The following SMG7 variants were observed in gnomAD, a reference collection of about 807,000 sequenced individuals.
SMG7 encodes nonsense-mediated mRNA decay factor SMG7.
SMG7 carries 34 observed loss-of-function variants against 148.2 expected under a neutral mutation model. The observed-to-expected ratio is 0.23, with a 90% confidence interval of 0.17 to 0.31. SMG7 has a LOEUF of 0.31. SMG7 is among the 10% of genes least tolerant of loss of function. The pLI is 1.00. For synonymous variants in SMG7, 492 were observed against 515.1 expected (o/e 0.96, Z 0.61); for missense variants, 1,114 against 1,408.4 (o/e 0.79, Z 3.35).
chr1:183,492,622 T>C (rs536772933), intron 1 of SMG7, among the ~76,000 whole-genome samples: 1 of 152,238 alleles, frequency 6.6e-6, no homozygotes, highest in East Asian at 1.9e-4. Context: ...GTTATAACTA[T>C]AGTTCAGTTT....
chr1:183,492,633 G>A (rs1312169769), intron 1 of SMG7, among the ~76,000 whole-genome samples: 4 of 152,080 alleles, frequency 2.6e-5, no homozygotes, highest in African/African-American at 9.7e-5. Context: ...AGTTCAGTTT[G>A]GGGAGAATTA....
intron 1 of SMG7, among the ~76,000 whole-genome samples, chr1:183,483,477 T>A (rs150105136): frequency 1.3e-5 from 2 of 152,274 alleles, no homozygotes; most frequent in Non-Finnish European, 1.5e-5. Flanking sequence ...AGTTAAAGAC[T>A]GCTTACTTGA....
intron 14 of SMG7, among the ~76,000 whole-genome samples, chr1:183,543,797 C>G (rs1192287755): frequency 6.6e-6 from 1 of 152,158 alleles, no homozygotes; most frequent in Admixed American, 6.5e-5. Context: ...TCTATAGGAT[C>G]TCAGGGCCTG....
intron 1 of SMG7, among the ~76,000 whole-genome samples, chr1:183,482,052 AG>A (rs1654261897): frequency 6.6e-6 from 1 of 152,182 alleles, no homozygotes; most frequent in African/African-American, 2.4e-5. Context: ...GAACAAAATG[AG>A]TAAATGCCTC....
rs770707468 is a variant in SMG7 at position 183,547,246 on chromosome 1, C to A, written c.2886C>A (p.Ser962Arg). 1.3e-6 allele frequency: 2 copies of A among 1,549,496 alleles called. No homozygotes were observed. Among genetic ancestry groups the A allele is most frequent in the Non-Finnish European group, 8.7e-7 (1 of 1,146,528 alleles). ...LGPLASLPGR[S>R]LFKSLLEKPS... ...CTCTCGCCTCTCTTCCTGGACGAAG[C>A]CTTTTTGTATGTATTTGACATAATT... The change falls in exon 18 of 23, where the codon AGC becomes AGA. Residue 962 changes from serine to arginine, a missense_variant. Physicochemically the swap from Ser to Arg is moderately radical, Grantham distance 110. Around this residue, in one of 4 missense-constraint regions of SMG7, gnomAD observed 788 missense variants for 894.5 expected, o/e 0.88. Transcript: ENST00000688051.
At chr1:183,525,344 T>C (rs1216183779) in intron 4 of SMG7, among the ~76,000 whole-genome samples, 4 of 152,068 alleles carry the variant, frequency 2.6e-5, no homozygotes, top group Non-Finnish European at 5.9e-5. Flanking sequence ...AGGTAACCAA[T>C]TGTCTGATAG....
rs780399737 is a variant in SMG7, at chr1:183,546,165, A to G, written c.2570A>G (p.Tyr857Cys). Reference protein sequence around the residue: ...KKMKPFPMEPYNHNPSEVKVP... With the variant: ...KKMKPFPMEPCNHNPSEVKVP... ...ATGAAGCCTTTTCCCATGGAGCCAT[A>G]TAACCATAATCCCTCAGAAGTCAAG... The change falls in exon 17 of 23, where the codon TAT becomes TGT. Residue 857 changes from tyrosine to cysteine, a missense_variant. By Grantham distance (194) the Tyr-to-Cys change is radical. Coordinates refer to ENST00000688051, the MANE Select transcript of SMG7 (RefSeq NM_001375584.1). The G allele has an allele frequency of 2.5e-6, 4 of 1,614,124 alleles. No homozygotes were observed. The South Asian group carries it at 3.3e-5, about 13-fold the overall frequency.
chr1:183,486,200 A>G lies in SMG7; in HGVS notation c.29+13551A>G, dbSNP rs1380711738. ...TATTTTGGGACAACCTTAGAACCAT[A>G]CTGACACCCAGTAAATGTTGGCTAA... On this transcript the variant is annotated intron_variant, in intron 1 of 22. Transcript: ENST00000688051. Among the ~76,000 whole-genome samples the G allele has an allele frequency of 2.0e-5, 3 of 152,364 alleles. No homozygotes were observed. In the East Asian group the frequency reaches 5.8e-4, roughly 29 times the overall value.
At chr1:183,494,954 G>A (rs891102504) in intron 1 of SMG7, among the ~76,000 whole-genome samples, 4 of 151,080 alleles carry the variant, frequency 2.6e-5, no homozygotes, top group East Asian at 1.9e-4. Flanking sequence ...TCAGCCTCCC[G>A]AGCAGCTGGG....
intron 14 of SMG7, among the ~76,000 whole-genome samples, chr1:183,542,927 ATGTGTGTGTGTGTGTGTGTG>A (rs3979479): frequency 2.3e-5 from 2 of 85,160 alleles, no homozygotes; most frequent in African/African-American, 7.5e-5. Flanking sequence ...ATATATATAT[ATGTGTGTGTGTGTGTGTGTG>A]TGTGTGTGTG....
chr1:183,489,126 A>C (rs924637063), intron 1 of SMG7, among the ~76,000 whole-genome samples: 1 of 152,214 alleles, frequency 6.6e-6, no homozygotes, highest in Non-Finnish European at 1.5e-5. Context: ...TTTCATACAG[A>C]AAATTGAAGC....
intron 2 of SMG7, chr1:183,513,406 C>CT (rs1159945220): frequency 7.0e-6 from 1 of 142,320 alleles, no homozygotes; most frequent in East Asian, 2.0e-4. Context: ...GAGTCTCACT[C>CT]TGTCACCTAG....
At chr1:183,541,159 T>TG in intron 13 of SMG7, 56 bp downstream of exon 13, 1 of 1,546,574 alleles carries the variant, frequency 6.5e-7, no homozygotes, top group Non-Finnish European at 8.9e-7. Context: ...GATAAACACA[T>TG]GCGCGCACAC....
intron 20 of SMG7, among the ~76,000 whole-genome samples, chr1:183,550,542 T>C (rs1670821407): frequency 6.6e-6 from 1 of 152,248 alleles, no homozygotes; most frequent in African/African-American, 2.4e-5. Context: ...ATTTTGCTTT[T>C]TTAAGGCGAA....
rs901753793 is a variant in SMG7, at chr1:183,553,076, C to T, written c.*1145C>T. 4 of 1,536,132 alleles carry T rather than the reference C, an allele frequency of 2.6e-6. No homozygotes were observed. The African/African-American group carries it at 5.5e-5, about 21-fold the overall frequency. On this transcript the variant is annotated 3_prime_UTR_variant, in exon 23 of 23. Transcript: ENST00000688051. ...AGCCCACAGAGGGCCCAGGCCCCTGCCCAGCTGCAGTCTCCCAGCCTCCAC... is the reference window on the plus strand; with the variant it reads ...AGCCCACAGAGGGCCCAGGCCCCTGTCCAGCTGCAGTCTCCCAGCCTCCAC...
chr1:183,486,496 C>T (rs1366176815), intron 1 of SMG7, among the ~76,000 whole-genome samples: 2 of 152,178 alleles, frequency 1.3e-5, no homozygotes, highest in Non-Finnish European at 2.9e-5. Context: ...CTGCAGCCTC[C>T]ACCTCCTGGG....
chr1:183,479,712 T>G (rs1421450537), intron 1 of SMG7, among the ~76,000 whole-genome samples: 2 of 152,198 alleles, frequency 1.3e-5, no homozygotes, highest in Non-Finnish European at 2.9e-5. Context: ...TTTGGCAAAT[T>G]AAAAGAAAGA....
chr1:183,516,753 A>G (rs1663640785), intron 3 of SMG7, among the ~76,000 whole-genome samples: 1 of 152,214 alleles, frequency 6.6e-6, no homozygotes, highest in Non-Finnish European at 1.5e-5. Flanking sequence ...AATACAGCTA[A>G]ATTACGACCA....
intron 1 of SMG7, among the ~76,000 whole-genome samples, chr1:183,498,719 T>C (rs1659101094): frequency 6.6e-6 from 1 of 152,044 alleles, no homozygotes; most frequent in African/African-American, 2.4e-5. Flanking sequence ...CCCACCAGAG[T>C]GGTACATTTG....
Sources: gnomAD v4.1 joint callset for allele counts (sites outside exome capture counted in the v4.1 genomes callset) on GRCh38, gnomAD v4.1.1 for gene constraint, gnomAD v4.1.1 regional missense constraint, MANE v1.5 for transcripts, NCBI Gene and HGNC (gene_info 2026-07-23, HGNC 2026-07-21) for gene names.